LINGO2: variants seen among roughly 807,000 people sequenced by gnomAD.
LINGO2 encodes leucine-rich repeat and immunoglobulin-like domain-containing nogo receptor-interacting protein 2.
A neutral mutation model predicts 30.6 loss-of-function variants in LINGO2; 14 were observed. The observed-to-expected ratio is 0.46, with a 90% CI of 0.30 to 0.72. The LOEUF (loss-of-function observed/expected upper bound fraction) is 0.72, where lower values mean the gene tolerates loss of function less well. Ranked by LOEUF, LINGO2 falls within the 30% of genes least tolerant of loss-of-function variation. The pLI is 0.07. For missense variants in LINGO2, 729 were observed against 751.7 expected (o/e 0.97, Z 0.35); for synonymous variants, 317 against 288.5 (o/e 1.10, Z -1.00).
chr9:28,404,781 T>C (rs1356142414), intron 2 of LINGO2, among the ~76,000 whole-genome samples: 3 of 152,284 alleles, frequency 2.0e-5, no homozygotes, highest in African/African-American at 7.2e-5. Context: ...ACTGTAGGTA[T>C]GGCAAGGCTG....
chr9:29,168,577 G>A, the LINGO2 span, among the ~76,000 whole-genome samples: 2 of 152,270 alleles, frequency 1.3e-5, no homozygotes, highest in South Asian at 4.1e-4. Context: ...CTTATGTAAG[G>A]AAATCCTCTC....
At chr9:28,850,464 C>A in the LINGO2 span, among the ~76,000 whole-genome samples, 1 of 151,930 alleles carries the variant, frequency 6.6e-6, no homozygotes, top group African/African-American at 2.4e-5. Flanking sequence ...TCTCCCCCAG[C>A]CACCCACTCT....
chr9:28,858,641 G>T, the LINGO2 span, among the ~76,000 whole-genome samples: 1 of 151,968 alleles, frequency 6.6e-6, no homozygotes, highest in Non-Finnish European at 1.5e-5. Context: ...TTACTTCAGA[G>T]TCACACATTT....
chr9:28,369,884 TAATC>T, intron 3 of LINGO2, among the ~76,000 whole-genome samples: 1 of 152,312 alleles, frequency 6.6e-6, no homozygotes, highest in African/African-American at 2.4e-5. Flanking sequence ...CTTTAATTAA[TAATC>T]ATTGTATAAT....
the LINGO2 span, among the ~76,000 whole-genome samples, chr9:28,763,000 A>T: frequency 6.6e-6 from 1 of 152,074 alleles, no homozygotes; most frequent in African/African-American, 2.4e-5. Context: ...CCATCCTTAA[A>T]CAGAAGATAA....
chr9:28,306,778 C>T (rs1257598240), intron 3 of LINGO2, among the ~76,000 whole-genome samples: 1 of 152,050 alleles, frequency 6.6e-6, no homozygotes, highest in Non-Finnish European at 1.5e-5. Context: ...ATACAAACTA[C>T]CATCAGAGAA....
At chr9:28,027,709 G>T (rs941729974) in intron 4 of LINGO2, among the ~76,000 whole-genome samples, 1 of 152,160 alleles carries the variant, frequency 6.6e-6, no homozygotes, top group East Asian at 1.9e-4. Flanking sequence ...TTAAATGCGA[G>T]GTGGTATATA....
chr9:28,498,952 G>T (rs1819775726), intron 1 of LINGO2, among the ~76,000 whole-genome samples: 1 of 152,058 alleles, frequency 6.6e-6, no homozygotes, highest in Non-Finnish European at 1.5e-5. Flanking sequence ...TATCCACTAT[G>T]ATATTTTACT....
intron 4 of LINGO2, among the ~76,000 whole-genome samples, chr9:28,103,778 T>C (rs1015336026): frequency 8.5e-5 from 13 of 152,186 alleles, no homozygotes; most frequent in Admixed American, 5.9e-4. Flanking sequence ...AGAGAATAAA[T>C]GTGACAAAAC....
the LINGO2 span, among the ~76,000 whole-genome samples, chr9:29,047,190 G>T: frequency 2.6e-5 from 4 of 151,740 alleles, no homozygotes; most frequent in Non-Finnish European, 5.9e-5. Flanking sequence ...CATCTATAAG[G>T]TACTTAAACA....
intron 1 of LINGO2, among the ~76,000 whole-genome samples, chr9:28,622,743 T>A (rs1052165669): frequency 1.4e-5 from 2 of 147,728 alleles, no homozygotes; most frequent in African/African-American, 2.5e-5. Flanking sequence ...TTTTTTTTTT[T>A]AGTTTTTTGA....
rs540328831 is a variant in LINGO2 at position 28,502,097 on chromosome 9, G to A, written c.-364-26072C>T. ...CAAAGGTTGATAATGCACATTGCAGGTTTTGGTTTCCAGGTCTCAAGATGA... is the reference window on the plus strand; with the variant it reads ...CAAAGGTTGATAATGCACATTGCAGATTTTGGTTTCCAGGTCTCAAGATGA... On this transcript the variant is annotated intron_variant, in intron 1 of 5. Coordinates refer to ENST00000379992, the Ensembl canonical transcript of LINGO2. 3.1e-4 allele frequency among the ~76,000 whole-genome samples: 47 copies of A among 150,324 alleles called. No individual in the cohort carries two copies. In the South Asian group the frequency reaches 8.2e-3, roughly 26 times the overall value.
intron 4 of LINGO2, among the ~76,000 whole-genome samples, chr9:28,254,378 C>T (rs1564077201): frequency 1.3e-5 from 2 of 152,120 alleles, no homozygotes; most frequent in East Asian, 1.9e-4. Context: ...AAGGTTGCCC[C>T]TAACCACGCT....
the LINGO2 span, among the ~76,000 whole-genome samples, chr9:28,692,789 T>C: frequency 6.6e-6 from 1 of 152,106 alleles, no homozygotes; most frequent in Non-Finnish European, 1.5e-5. Flanking sequence ...TCCATCTTAG[T>C]CACAAGTGAT....
At chr9:28,768,464 C>T in the LINGO2 span, among the ~76,000 whole-genome samples, 6 of 152,028 alleles carry the variant, frequency 3.9e-5, no homozygotes, top group Non-Finnish European at 8.8e-5. Context: ...TGTTCACTTC[C>T]TGACCCAGAC....
intron 4 of LINGO2, among the ~76,000 whole-genome samples, chr9:28,286,437 A>C (rs571984214): frequency 1.3e-5 from 2 of 152,322 alleles, no homozygotes; most frequent in Admixed American, 1.3e-4. Flanking sequence ...AATACCATTC[A>C]ACCCAGCAAT....
At chr9:28,480,647 T>A (rs1015540098) in intron 1 of LINGO2, among the ~76,000 whole-genome samples, 2 of 152,142 alleles carry the variant, frequency 1.3e-5, no homozygotes, top group African/African-American at 4.8e-5. Context: ...CTGGAATAAC[T>A]TACCACCTCA....
the LINGO2 span, among the ~76,000 whole-genome samples, chr9:28,778,044 T>C: frequency 6.6e-6 from 1 of 152,136 alleles, no homozygotes; most frequent in South Asian, 2.1e-4. Context: ...ATATGATTGA[T>C]AGTGGCATAG....
chr9:29,103,138 GCAC>G, the LINGO2 span, among the ~76,000 whole-genome samples: 1 of 152,018 alleles, frequency 6.6e-6, no homozygotes, highest in Non-Finnish European at 1.5e-5. Context: ...TCTATTCACA[GCAC>G]CACCACCAGC....
Sources: gnomAD v4.1 joint callset for allele counts (sites outside exome capture counted in the v4.1 genomes callset) on GRCh38, gnomAD v4.1.1 for gene constraint, MANE v1.5 for transcripts, NCBI Gene and HGNC (gene_info 2026-07-23, HGNC 2026-07-21) for gene names.